CNTNAP5: variants seen among roughly 807,000 people sequenced by gnomAD.
The protein encoded by CNTNAP5 is contactin-associated protein-like 5.
CNTNAP5 carries 72 observed loss-of-function variants against 150.2 expected under a neutral mutation model. The observed-to-expected ratio is 0.48, with a 90% confidence interval of 0.40 to 0.58. The LOEUF (loss-of-function observed/expected upper bound fraction) is 0.58, where lower values mean the gene tolerates loss of function less well. CNTNAP5 is among the 20% of genes least tolerant of loss of function. CNTNAP5 has a pLI of 0.00. For synonymous variants in CNTNAP5, 672 were observed against 619.8 expected (o/e 1.08, Z -1.25); for missense variants, 1,636 against 1,626.2 (o/e 1.01, Z -0.10).
chr2:124,386,738 G>C (rs1308482552), intron 3 of CNTNAP5, among the ~76,000 whole-genome samples: 1 of 152,006 alleles, frequency 6.6e-6, no homozygotes, highest in East Asian at 1.9e-4. Context: ...TGTCTCCCCA[G>C]TTTTGTTCAC....
chr2:124,169,905 C>T (rs1453274325), intron 1 of CNTNAP5, among the ~76,000 whole-genome samples: 4 of 152,188 alleles, frequency 2.6e-5, no homozygotes, highest in African/African-American at 4.8e-5. Context: ...ATGCATAATG[C>T]GAGGGTAGCC....
rs1244332069 is a variant in CNTNAP5 at position 124,781,048 on chromosome 2, G to A, written c.2752+8031G>A. 2.0e-5 allele frequency among the ~76,000 whole-genome samples: 3 copies of A among 152,292 alleles called. No individual in the cohort carries two copies. The South Asian group carries it at 6.2e-4, about 32-fold the overall frequency. Reference sequence around the variant, plus strand: ...GAGTTTGGAGCATTTTGCAGGATGGGGAGTGAGGGACAGTGGTCTGATTCT... The same window carrying A: ...GAGTTTGGAGCATTTTGCAGGATGGAGAGTGAGGGACAGTGGTCTGATTCT... On this transcript the variant is annotated intron_variant, in intron 17 of 23. Coordinates refer to ENST00000682447, the MANE Select transcript of CNTNAP5 (RefSeq NM_001367498.1).
chr2:124,270,638 A>C (rs977503771), intron 3 of CNTNAP5, among the ~76,000 whole-genome samples: 3 of 152,200 alleles, frequency 2.0e-5, no homozygotes, highest in African/African-American at 7.2e-5. Context: ...ATGACTACTG[A>C]GTATGTAATT....
At chr2:124,311,290 G>A (rs960046231) in intron 3 of CNTNAP5, among the ~76,000 whole-genome samples, 1 of 152,174 alleles carries the variant, frequency 6.6e-6, no homozygotes, top group African/African-American at 2.4e-5. Flanking sequence ...AAGCTGGAAT[G>A]TCCAAGATCA....
intron 8 of CNTNAP5, among the ~76,000 whole-genome samples, chr2:124,520,617 G>C (rs941788181): frequency 1.3e-5 from 2 of 152,152 alleles, no homozygotes; most frequent in African/African-American, 4.8e-5. Flanking sequence ...GTCCTCATCT[G>C]TTTCTGGAAC....
chr2:124,612,329 C>T (rs1341796149), intron 12 of CNTNAP5, among the ~76,000 whole-genome samples: 2 of 152,000 alleles, frequency 1.3e-5, no homozygotes, highest in Admixed American at 6.6e-5. Flanking sequence ...TATACATATA[C>T]ATTTAAATTA....
chr2:124,727,004 A>AT (rs1680170339), intron 13 of CNTNAP5, among the ~76,000 whole-genome samples: 1 of 151,900 alleles, frequency 6.6e-6, no homozygotes, highest in South Asian at 2.1e-4. Context: ...TTTTTAGTTG[A>AT]TTTTTACATA....
At chr2:124,317,699 T>C (rs907981315) in intron 3 of CNTNAP5, among the ~76,000 whole-genome samples, 6 of 152,220 alleles carry the variant, frequency 3.9e-5, no homozygotes, top group African/African-American at 7.2e-5. Flanking sequence ...TAAGAGCCAG[T>C]TGAGATATCC....
At chr2:124,231,672 T>G (rs935946939) in intron 2 of CNTNAP5, among the ~76,000 whole-genome samples, 1 of 152,132 alleles carries the variant, frequency 6.6e-6, no homozygotes, top group African/African-American at 2.4e-5. Context: ...CTAATATGCC[T>G]GAGGGAAAAA....
At chr2:124,588,810 C>T (rs148538797) in intron 11 of CNTNAP5, among the ~76,000 whole-genome samples, 10 of 152,010 alleles carry the variant, frequency 6.6e-5, no homozygotes, top group Admixed American at 3.9e-4. Context: ...GTACAGATGC[C>T]GGCTTGGGTG....
intron 1 of CNTNAP5, among the ~76,000 whole-genome samples, chr2:124,201,180 G>T (rs780988383): frequency 6.6e-6 from 1 of 152,170 alleles, no homozygotes; most frequent in Admixed American, 6.5e-5. Flanking sequence ...TGCTCGACCT[G>T]CAGGTCACCT....
intron 1 of CNTNAP5, among the ~76,000 whole-genome samples, chr2:124,084,008 A>T (rs1682620823): frequency 6.6e-6 from 1 of 151,238 alleles, no homozygotes; most frequent in Admixed American, 6.6e-5. Context: ...TGAATTTTCT[A>T]ATTCATGGAC....
intron 1 of CNTNAP5, among the ~76,000 whole-genome samples, chr2:124,205,851 G>A (rs1276939227): frequency 4.6e-5 from 7 of 152,116 alleles, no homozygotes; most frequent in Non-Finnish European, 1.0e-4. Context: ...GTCTCTGGTA[G>A]ATCCTGAAGA....
chr2:124,248,191 A>C (rs1687077575), intron 3 of CNTNAP5, among the ~76,000 whole-genome samples: 1 of 152,166 alleles, frequency 6.6e-6, no homozygotes, highest in Non-Finnish European at 1.5e-5. Flanking sequence ...GACCTTGAAA[A>C]TGTCCCTTAA....
intron 3 of CNTNAP5, among the ~76,000 whole-genome samples, chr2:124,396,019 C>T (rs1337231235): frequency 6.6e-6 from 1 of 152,158 alleles, no homozygotes; most frequent in African/African-American, 2.4e-5. Flanking sequence ...AACAAGACTG[C>T]ATGTAATGTG....
chr2:124,627,679 G>A (rs1297891889), intron 12 of CNTNAP5, among the ~76,000 whole-genome samples: 3 of 152,098 alleles, frequency 2.0e-5, no homozygotes, highest in Non-Finnish European at 2.9e-5. Flanking sequence ...TGATTGCAAC[G>A]TCTCCAGCAA....
Position 124,414,079 on chromosome 2 carries a change from C to G in CNTNAP5, c.382-3364C>G, listed in dbSNP as rs547433080. Among the ~76,000 whole-genome samples, 14 of 147,902 alleles carry G rather than the reference C, an allele frequency of 9.5e-5. No individual in the cohort carries two copies. The South Asian group carries it at 2.6e-3, about 27-fold the overall frequency. ...GAGTTCCAGCATTGGATATAGAATG[C>G]TAGATTGATAGTGTTTTACTTTCAG... On this transcript the variant is annotated intron_variant, in intron 3 of 23. Transcript: ENST00000682447.
chr2:124,465,302 T>C (rs1334194519), intron 6 of CNTNAP5, among the ~76,000 whole-genome samples: 1 of 152,152 alleles, frequency 6.6e-6, no homozygotes, highest in Non-Finnish European at 1.5e-5. Flanking sequence ...ATGGACTATG[T>C]TGTCCAAGAC....
intron 19 of CNTNAP5, among the ~76,000 whole-genome samples, chr2:124,832,351 C>T (rs1682733887): frequency 6.6e-6 from 1 of 152,030 alleles, no homozygotes; most frequent in Non-Finnish European, 1.5e-5. Context: ...GAATAATACA[C>T]ATACATATGC....
Sources: gnomAD v4.1 joint callset for allele counts (sites outside exome capture counted in the v4.1 genomes callset) on GRCh38, gnomAD v4.1.1 for gene constraint, MANE v1.5 for transcripts, NCBI Gene and HGNC (gene_info 2026-07-23, HGNC 2026-07-21) for gene names.